The following KMT2C variants were observed in gnomAD, a reference collection of about 807,000 sequenced individuals.
KMT2C encodes lysine methyltransferase 2C, also known as histone-lysine N-methyltransferase 2C.
KMT2C carries 88 observed loss-of-function variants against 507.9 expected under a neutral mutation model. The ratio of observed to expected loss-of-function variants is 0.17; its 90% CI spans 0.15 to 0.21. The LOEUF (loss-of-function observed/expected upper bound fraction) is 0.21. Ranked by LOEUF, KMT2C falls within the 10% of genes least tolerant of loss-of-function variation. KMT2C has a pLI of 1.00. For missense variants in KMT2C, 4,954 were observed against 5,957.8 expected, an observed-to-expected ratio of 0.83 and a Z score of 5.55; for synonymous variants, 2,049 against 2,080.8, an observed-to-expected ratio of 0.98 and a Z score of 0.42.
At chr7:152,206,234 G>A (rs1219654302) in intron 24 of KMT2C, among the ~76,000 whole-genome samples, 3 of 151,850 alleles carry the variant, frequency 2.0e-5, no homozygotes, top group Non-Finnish European at 2.9e-5. Context: ...AATTTACTCC[G>A]TGACCTAATG....
chr7:152,358,176 T>C (rs982269455), intron 2 of KMT2C, among the ~76,000 whole-genome samples: 4 of 152,218 alleles, frequency 2.6e-5, no homozygotes, highest in Non-Finnish European at 5.9e-5. Context: ...TAGTTTGGCC[T>C]AGCCTTTCAC....
chr7:152,327,310 G>A (rs2096837954), intron 3 of KMT2C, among the ~76,000 whole-genome samples: 2 of 152,146 alleles, frequency 1.3e-5, no homozygotes, highest in South Asian at 2.1e-4. Context: ...AGTATTAGAT[G>A]AGGACTAACA....
At chr7:152,370,345 CTA>C in intron 1 of KMT2C, among the ~76,000 whole-genome samples, 1 of 152,262 alleles carries the variant, frequency 6.6e-6, no homozygotes, top group Middle Eastern at 3.4e-3. Context: ...AGCTCTGTAA[CTA>C]TTAAAGAAAT....
chr7:152,146,752 A>G lies in KMT2C; in HGVS notation c.13895-17T>C. 1 of 1,611,064 alleles carries G rather than the reference A, an allele frequency of 6.2e-7. No homozygotes were observed. The highest frequency in any genetic ancestry group is 8.5e-7 in the Non-Finnish European group (1 of 1,178,150). On this transcript the variant is annotated splice_polypyrimidine_tract_variant and intron_variant, in intron 52 of 58. Transcript: ENST00000262189. Reference sequence around the variant, plus strand: ...CCCAGACACCTACACAGGGACAAAAACATAATTTTTATAGGAAATAGGATA... The same window carrying G: ...CCCAGACACCTACACAGGGACAAAAGCATAATTTTTATAGGAAATAGGATA...
At chr7:152,246,823 C>T (rs1588553985) in intron 14 of KMT2C, among the ~76,000 whole-genome samples, 2 of 152,114 alleles carry the variant, frequency 1.3e-5, no homozygotes, top group South Asian at 2.1e-4. Flanking sequence ...TTACTGCACA[C>T]GTCTTTTGCC....
At chr7:152,399,546 C>G (rs936806861) in intron 1 of KMT2C, among the ~76,000 whole-genome samples, 2 of 151,872 alleles carry the variant, frequency 1.3e-5, no homozygotes, top group Non-Finnish European at 2.9e-5. Flanking sequence ...CAGCTTAACC[C>G]TAAAGTAAAG....
chr7:152,357,241 T>C (rs924531408), intron 2 of KMT2C, among the ~76,000 whole-genome samples: 17 of 141,354 alleles, frequency 1.2e-4, no homozygotes, highest in African/African-American at 3.8e-4. Flanking sequence ...ATAACAACAA[T>C]AGGCCAGGCA....
At chr7:152,320,879 T>C (rs924825116) in intron 3 of KMT2C, among the ~76,000 whole-genome samples, 2 of 152,000 alleles carry the variant, frequency 1.3e-5, no homozygotes, top group Non-Finnish European at 2.9e-5. Flanking sequence ...ACCAACATCA[T>C]GCAGGCAACA....
chr7:152,280,139 G>A (rs1222204951), intron 6 of KMT2C, among the ~76,000 whole-genome samples: 8 of 152,298 alleles, frequency 5.3e-5, no homozygotes, highest in Non-Finnish European at 1.2e-4. Context: ...CATAGCAAGG[G>A]AACATTTCAA....
At chr7:152,348,747 A>G (rs1440561990) in intron 2 of KMT2C, among the ~76,000 whole-genome samples, 2 of 152,200 alleles carry the variant, frequency 1.3e-5, no homozygotes, top group Non-Finnish European at 2.9e-5. Flanking sequence ...ATGAAAATTA[A>G]AACAACAGGG....
intron 6 of KMT2C, among the ~76,000 whole-genome samples, chr7:152,302,518 G>T (rs573337333): frequency 1.3e-5 from 2 of 151,998 alleles, no homozygotes; most frequent in East Asian, 3.9e-4. Flanking sequence ...AGCCAACACT[G>T]AACATTTTAT....
At chr7:152,420,026 T>C (rs890947716) in intron 1 of KMT2C, among the ~76,000 whole-genome samples, 8 of 152,354 alleles carry the variant, frequency 5.3e-5, no homozygotes, top group Middle Eastern at 3.4e-3. Context: ...CTGAAATCTA[T>C]TGTAAAATGT....
At chr7:152,319,094 C>G (rs933802700) in intron 3 of KMT2C, among the ~76,000 whole-genome samples, 2 of 152,084 alleles carry the variant, frequency 1.3e-5, no homozygotes, top group Non-Finnish European at 2.9e-5. Context: ...CTTAAATATT[C>G]TATAAAATTA....
intron 3 of KMT2C, among the ~76,000 whole-genome samples, chr7:152,325,469 T>C (rs2096820150): frequency 6.6e-6 from 1 of 151,014 alleles, no homozygotes; most frequent in Non-Finnish European, 1.5e-5. Flanking sequence ...TATGTGTGTT[T>C]TTTTTTTTTG....
rs770069367 is a variant in KMT2C at position 152,176,653 on chromosome 7, G to A, written c.8800C>T (p.Pro2934Ser). 1.4e-5 allele frequency: 22 copies of A among 1,614,072 alleles called. No individual in the cohort carries two copies. The highest frequency in any genetic ancestry group is 2.2e-5 in the East Asian group (1 of 44,896). ...GTTGGTGGTGGTGGAGACCCCGATG[G>A]CCTAATGTCTGAATTATCAGATTTC... ...NEKSDNSDIR[P>S]SGSPPPPTLP... Residue 2934 changes from proline to serine, a missense_variant, in exon 38 of 59, where the codon CCA (proline) becomes TCA (serine). By Grantham distance (74) the Pro-to-Ser change is moderately conservative. Coordinates refer to ENST00000262189, the MANE Select transcript of KMT2C (RefSeq NM_170606.3).
chr7:152,367,575 G>C (rs2097257773), intron 1 of KMT2C: 9 of 1,275,766 alleles, frequency 7.1e-6, no homozygotes, highest in East Asian at 4.6e-5. Flanking sequence ...TTACAGATTT[G>C]TATGCTCCAG....
At chr7:152,421,706 G>A (rs957372993) in intron 1 of KMT2C, among the ~76,000 whole-genome samples, 1 of 152,190 alleles carries the variant, frequency 6.6e-6, no homozygotes, top group Admixed American at 6.5e-5. Flanking sequence ...TGGACACAGA[G>A]GGGACCAAGA....
Position 152,194,455 on chromosome 7 carries a change from T to C in KMT2C, c.4492A>G (p.Lys1498Glu), listed in dbSNP as rs2093903770. 3.1e-6 allele frequency: 5 copies of C among 1,613,586 alleles called. No homozygotes were observed. The highest frequency in any genetic ancestry group is 1.7e-4 in the Middle Eastern group (1 of 6,058). The change falls in exon 29 of 59, where the codon AAA becomes GAA. Residue 1498 changes from lysine (K) to glutamate (E), a missense_variant. Physicochemically the swap from Lys to Glu is moderately conservative, Grantham distance 56 (BLOSUM62 1). Transcript: ENST00000262189. ...AATATTTTACCATCTGTGACCATTT[T>C]GTCTAGTTCAGGACTGAGGATCCCA... ...LDGILSPELD[K>E]MVTDGAILGK...
chr7:152,417,760 A>G (rs1415329510), intron 1 of KMT2C, among the ~76,000 whole-genome samples: 3 of 150,070 alleles, frequency 2.0e-5, no homozygotes, highest in African/African-American at 7.4e-5. Context: ...TCCTGCTTCA[A>G]CCTCCTGAGT....
Sources: allele counts gnomAD v4.1 joint callset (sites outside exome capture counted in the v4.1 genomes callset), GRCh38; gene constraint gnomAD v4.1.1; transcripts MANE v1.5; gene names NCBI Gene and HGNC (gene_info 2026-07-23, HGNC 2026-07-21).